RMDN2: variants seen among roughly 807,000 people sequenced by gnomAD.
RMDN2 encodes the protein regulator of microtubule dynamics protein 2.
RMDN2 carries 61 observed loss-of-function variants against 52.8 expected under a neutral mutation model. The observed-to-expected ratio is 1.16, with a 90% CI of 0.94 to 1.43. The LOEUF (loss-of-function observed/expected upper bound fraction) is 1.43. Among genes scored for constraint, RMDN2 ranks in the 40% most tolerant of loss-of-function variants. The probability of loss-of-function intolerance (pLI) is 0.00; values close to 1 mark genes in which losing one functional copy is unlikely to be tolerated. For missense variants in RMDN2, 592 were observed against 475.3 expected, an observed-to-expected ratio of 1.25 and a Z score of -2.28; for synonymous variants, 180 against 153.1, an observed-to-expected ratio of 1.18 and a Z score of -1.30.
intron 10 of RMDN2, among the ~76,000 whole-genome samples, chr2:38,056,925 T>C (rs1681874132): frequency 6.6e-6 from 1 of 152,220 alleles, no homozygotes; most frequent in South Asian, 2.1e-4. Flanking sequence ...CCACTTGCAA[T>C]ATGGAATATT....
At chr2:38,030,173 T>G (rs75079490) in intron 10 of RMDN2, 13,692 of 152,206 alleles carry the variant, frequency 0.09, 814 homozygotes, top group African/African-American at 0.17. Flanking sequence ...AGCGCCAGCC[T>G]TAGACCAAAT....
chr2:37,951,455 T>A (rs1668781885), intron 2 of RMDN2: 3 of 1,612,576 alleles, frequency 1.9e-6, no homozygotes, highest in Non-Finnish European at 2.5e-6. Context: ...ATTCTTTATT[T>A]GTTGGATTTC....
rs567162067 is a variant in RMDN2 at position 38,000,452 on chromosome 2, A to G, written c.1044+2938A>G. On this transcript the variant is annotated intron_variant, in intron 8 of 10. Transcript: ENST00000354545. ...CCACTGTAACCACCACCATTTCAAGATAGCATTTTCATCATCCTAGAGAGT... is the reference window on the plus strand; with the variant it reads ...CCACTGTAACCACCACCATTTCAAGGTAGCATTTTCATCATCCTAGAGAGT... 3.3e-5 allele frequency among the ~76,000 whole-genome samples: 5 copies of G among 152,340 alleles called. No homozygotes were observed. In the East Asian group the frequency reaches 7.7e-4, roughly 24 times the overall value.
At chr2:37,993,893 C>A (rs75776071) in intron 7 of RMDN2, among the ~76,000 whole-genome samples, 2,436 of 152,232 alleles carry the variant, frequency 0.016, 57 homozygotes, top group African/African-American at 0.056. Flanking sequence ...GATTTAAAAG[C>A]CGTTTACCCA....
intron 2 of RMDN2, among the ~76,000 whole-genome samples, chr2:37,959,661 C>G (rs1309613254): frequency 6.6e-6 from 1 of 150,902 alleles, no homozygotes; most frequent in Non-Finnish European, 1.5e-5. Flanking sequence ...CAGTTCTGCT[C>G]AGATCTTAGT....
chr2:37,929,446 G>A lies in RMDN2; in HGVS notation c.169G>A (p.Glu57Lys). 1.3e-6 allele frequency: 2 copies of A among 1,551,650 alleles called. No individual in the cohort carries two copies. The highest frequency in any genetic ancestry group is 1.7e-6 in the Non-Finnish European group (2 of 1,146,950). The change falls in exon 2 of 11, where the codon GAA becomes AAA. Residue 57 changes from glutamate (E) to lysine (K), a missense_variant. By Grantham distance (56) the Glu-to-Lys change is moderately conservative. Transcript: ENST00000354545. ...NTFNSITLQD[E>K]IHDDQGTTVI... ...ATTTAATTCAATAACTTTGCAAGAT[G>A]AAATACATGATGACCAAGGAACAAC... is the stretch of plus-strand genomic sequence containing the variant.
At chr2:37,963,747 C>G (rs1205537477) in intron 2 of RMDN2, among the ~76,000 whole-genome samples, 1 of 152,350 alleles carries the variant, frequency 6.6e-6, no homozygotes, top group African/African-American at 2.4e-5. Flanking sequence ...AATCTGATTT[C>G]TCTATCTTTT....
At chr2:37,985,222 G>A (rs1318687548) in intron 5 of RMDN2, among the ~76,000 whole-genome samples, 1 of 152,032 alleles carries the variant, frequency 6.6e-6, no homozygotes, top group Non-Finnish European at 1.5e-5. Context: ...GCAGAAAATA[G>A]CAGAAGATAG....
intron 7 of RMDN2, among the ~76,000 whole-genome samples, chr2:37,994,544 ATTAC>A (rs1032672289): frequency 1.3e-4 from 20 of 152,354 alleles, no homozygotes; most frequent in African/African-American, 4.8e-4. Context: ...TCACATTTCA[ATTAC>A]TTAACAAAAG....
intron 10 of RMDN2, among the ~76,000 whole-genome samples, chr2:38,063,201 C>G (rs1345178726): frequency 4.6e-5 from 7 of 152,216 alleles, no homozygotes; most frequent in Middle Eastern, 3.2e-3. Context: ...ACACTGACTT[C>G]TACAACGGTT....
At chr2:37,932,921 C>A (rs1318801446) in intron 2 of RMDN2, among the ~76,000 whole-genome samples, 1 of 151,188 alleles carries the variant, frequency 6.6e-6, no homozygotes, top group East Asian at 2.0e-4. Context: ...GGGCTGACCC[C>A]CCCACCTCCC....
intron 2 of RMDN2, among the ~76,000 whole-genome samples, chr2:37,940,516 C>A (rs1006506854): frequency 6.6e-6 from 1 of 152,170 alleles, no homozygotes; most frequent in Non-Finnish European, 1.5e-5. Context: ...CTTTCAGGTG[C>A]ACCAAACAAA....
At chr2:37,943,113 C>T (rs761328283) in intron 2 of RMDN2, among the ~76,000 whole-genome samples, 3 of 152,160 alleles carry the variant, frequency 2.0e-5, no homozygotes, top group Non-Finnish European at 4.4e-5. Flanking sequence ...CCTGGAAAGC[C>T]GTTCGCGTTC....
chr2:37,969,876 TTC>T (rs1671564079), intron 2 of RMDN2, among the ~76,000 whole-genome samples: 1 of 152,040 alleles, frequency 6.6e-6, no homozygotes, highest in Non-Finnish European at 1.5e-5. Flanking sequence ...TTTCTTTTTT[TTC>T]TCTCCTGCTT....
chr2:37,948,756 C>T (rs1488206046), intron 2 of RMDN2, among the ~76,000 whole-genome samples: 1 of 152,114 alleles, frequency 6.6e-6, no homozygotes, highest in Non-Finnish European at 1.5e-5. Flanking sequence ...TCTTCCTCAT[C>T]CCCCAAATGC....
At chr2:37,950,480 T>C (rs777062074) in intron 2 of RMDN2, 1 of 1,612,050 alleles carries the variant, frequency 6.2e-7, no homozygotes, top group Admixed American at 1.7e-5. Context: ...AGCTTGAGCA[T>C]TCAGTCTTCT....
chr2:38,021,446 C>G (rs1679371340), downstream of RMDN2, among the ~76,000 whole-genome samples: 1 of 152,134 alleles, frequency 6.6e-6, no homozygotes, highest in African/African-American at 2.4e-5. Flanking sequence ...CTGCTGCTCA[C>G]TCGGTCCACA....
chr2:37,974,688 G>C (rs1347029957), intron 3 of RMDN2: 3 of 152,400 alleles, frequency 2.0e-5, no homozygotes, highest in Non-Finnish European at 2.9e-5. Flanking sequence ...AAAGTTTGCA[G>C]TGTCCCATGG....
At chr2:37,961,351 A>T (rs906382026) in intron 2 of RMDN2, among the ~76,000 whole-genome samples, 5 of 151,878 alleles carry the variant, frequency 3.3e-5, no homozygotes, top group African/African-American at 9.7e-5. Context: ...TGGTCTTTTC[A>T]CATAGTCCCA....
Sources: allele counts gnomAD v4.1 joint callset (sites outside exome capture counted in the v4.1 genomes callset), GRCh38; gene constraint gnomAD v4.1.1; transcripts MANE v1.5; gene names NCBI Gene and HGNC (gene_info 2026-07-23, HGNC 2026-07-21).